The following GRID2 variants were observed in gnomAD, a reference collection of about 807,000 sequenced individuals.
GRID2 encodes glutamate receptor ionotropic, delta-2.
A neutral mutation model predicts 114.8 loss-of-function variants in GRID2; 33 were observed. That is an observed-to-expected ratio of 0.29 (90% CI 0.22 to 0.38). GRID2 has a LOEUF of 0.38. Ranked by LOEUF, GRID2 falls within the 10% of genes least tolerant of loss-of-function variation. GRID2 has a pLI of 1.00. For missense variants in GRID2, 1,184 were observed against 1,257.7 expected, an observed-to-expected ratio of 0.94 and a Z score of 0.89; for synonymous variants, 505 against 449.9, an observed-to-expected ratio of 1.12 and a Z score of -1.55.
chr4:92,441,230 G>T (rs1206638381), intron 1 of GRID2, among the ~76,000 whole-genome samples: 3 of 152,120 alleles, frequency 2.0e-5, no homozygotes, highest in Non-Finnish European at 2.9e-5. Flanking sequence ...GACAAGATTG[G>T]CAGGGAGAGC....
chr4:93,448,819 C>CCCTTCCCTTT, intron 10 of GRID2, among the ~76,000 whole-genome samples: 3 of 9,122 alleles, frequency 3.3e-4, no homozygotes, highest in South Asian at 0.01. Flanking sequence ...CCCTTCCCTT[C>CCCTTCCCTTT]CCTTCCCTTC....
intron 2 of GRID2, chr4:92,822,467 C>T: frequency 2.2e-6 from 1 of 464,674 alleles, no homozygotes; most frequent in South Asian, 1.8e-5. Context: ...GAGAAGTGGA[C>T]ATAAGACACC....
intron 14 of GRID2, among the ~76,000 whole-genome samples, chr4:93,763,462 C>T (rs1403350295): frequency 1.3e-5 from 2 of 152,164 alleles, no homozygotes; most frequent in Non-Finnish European, 2.9e-5. Context: ...TTTGCTATCA[C>T]ACTATAATTA....
In GRID2 at chr4:93,363,074, T is replaced by C. The variant is rs1326175363; in HGVS notation, c.1246-32533T>C. ...ATCTCTACTAAAAATACAAAAATTA[T>C]CTGGGCATGGTGGTGCATGTCTGTA... On this transcript the variant is annotated intron_variant, in intron 8 of 15. Coordinates refer to ENST00000282020, the MANE Select transcript of GRID2 (RefSeq NM_001510.4). 3.3e-5 allele frequency among the ~76,000 whole-genome samples: 5 copies of C among 151,988 alleles called. No homozygotes were observed. In the South Asian group the frequency reaches 8.3e-4, roughly 25 times the overall value.
At chr4:92,639,894 A>G (rs1364066459) in intron 2 of GRID2, among the ~76,000 whole-genome samples, 1 of 151,840 alleles carries the variant, frequency 6.6e-6, no homozygotes, top group Admixed American at 6.6e-5. Flanking sequence ...TAATAATTAT[A>G]TAAATATCTG....
intron 2 of GRID2, among the ~76,000 whole-genome samples, chr4:93,050,484 C>T (rs964634189): frequency 6.7e-6 from 1 of 149,626 alleles, no homozygotes; most frequent in African/African-American, 2.5e-5. Context: ...GAAGTCAGTC[C>T]TTGACCAGAC....
chr4:93,632,334 G>A (rs981109117), intron 14 of GRID2, among the ~76,000 whole-genome samples: 1 of 152,144 alleles, frequency 6.6e-6, no homozygotes, highest in African/African-American at 2.4e-5. Flanking sequence ...TTCTTCTAGG[G>A]TTTTTATGGT....
intron 10 of GRID2, among the ~76,000 whole-genome samples, chr4:93,450,671 C>T (rs1722603604): frequency 6.6e-6 from 1 of 151,606 alleles, no homozygotes; most frequent in African/African-American, 2.4e-5. Flanking sequence ...GAATGCAAAT[C>T]TTGTATCTTC....
chr4:92,501,564 C>T (rs1723684291), intron 1 of GRID2, among the ~76,000 whole-genome samples: 1 of 152,104 alleles, frequency 6.6e-6, no homozygotes, highest in Admixed American at 6.6e-5. Context: ...TCTCATTCTG[C>T]CTTCTTCCTC....
At chr4:92,629,514 A>G (rs187696046) in intron 2 of GRID2, among the ~76,000 whole-genome samples, 177 of 152,254 alleles carry the variant, frequency 1.2e-3, no homozygotes, top group African/African-American at 4.1e-3. Flanking sequence ...TCAAAAGTGA[A>G]GGGGAAAGAG....
chr4:93,094,508 G>A (rs1054595999), intron 3 of GRID2, among the ~76,000 whole-genome samples: 2 of 151,904 alleles, frequency 1.3e-5, no homozygotes, highest in African/African-American at 4.8e-5. Flanking sequence ...CCTTGCTAAT[G>A]TAACCAGAAT....
At chr4:92,997,609 C>T (rs1398670739) in intron 2 of GRID2, among the ~76,000 whole-genome samples, 2 of 152,170 alleles carry the variant, frequency 1.3e-5, no homozygotes, top group Non-Finnish European at 2.9e-5. Flanking sequence ...TCTCTGCTGA[C>T]TGAAATGAAG....
At chr4:93,758,728 T>G (rs935329760) in intron 14 of GRID2, among the ~76,000 whole-genome samples, 4 of 152,150 alleles carry the variant, frequency 2.6e-5, no homozygotes. Flanking sequence ...ATGCATAACA[T>G]ATATACTATA....
chr4:92,483,209 A>G (rs1200755506), intron 1 of GRID2, among the ~76,000 whole-genome samples: 1 of 152,060 alleles, frequency 6.6e-6, no homozygotes, highest in Non-Finnish European at 1.5e-5. Flanking sequence ...TGTAGTGCAC[A>G]TGCCTGAAGT....
At chr4:92,613,557 A>AT (rs1299395203) in intron 2 of GRID2, among the ~76,000 whole-genome samples, 3 of 151,386 alleles carry the variant, frequency 2.0e-5, no homozygotes, top group African/African-American at 7.3e-5. Flanking sequence ...TTGCAATAAG[A>AT]TTTTGCATTA....
At chr4:93,593,074 T>C (rs1403451569) in intron 13 of GRID2, among the ~76,000 whole-genome samples, 1 of 152,036 alleles carries the variant, frequency 6.6e-6, no homozygotes, top group Non-Finnish European at 1.5e-5. Context: ...GTTAATAGTG[T>C]TATGTGTGAA....
At chr4:93,435,534 G>T (rs1406460399) in intron 10 of GRID2, among the ~76,000 whole-genome samples, 2 of 152,094 alleles carry the variant, frequency 1.3e-5, no homozygotes, top group Non-Finnish European at 2.9e-5. Context: ...TATTTGGCCA[G>T]GAGTTGCAGA....
intron 2 of GRID2, among the ~76,000 whole-genome samples, chr4:92,748,344 G>C (rs139808381): frequency 1.3e-5 from 2 of 152,132 alleles, no homozygotes; most frequent in Admixed American, 1.3e-4. Flanking sequence ...ATTCAGGTTT[G>C]ACATGGAGGA....
intron 8 of GRID2, among the ~76,000 whole-genome samples, chr4:93,379,473 A>G (rs1763660422): frequency 6.6e-6 from 1 of 152,050 alleles, no homozygotes. Flanking sequence ...GACTGGAGCA[A>G]AAAGGGGAGA....
Sources: gnomAD v4.1 joint callset for allele counts (sites outside exome capture counted in the v4.1 genomes callset) on GRCh38, gnomAD v4.1.1 for gene constraint, MANE v1.5 for transcripts, NCBI Gene and HGNC (gene_info 2026-07-23, HGNC 2026-07-21) for gene names.